Variants in DNAJC13 observed in about 807,000 individuals in gnomAD.
The protein encoded by DNAJC13 is dnaJ homolog subfamily C member 13.
A neutral mutation model predicts 290.5 loss-of-function variants in DNAJC13; 75 were observed. The observed-to-expected ratio is 0.26, with a 90% confidence interval of 0.21 to 0.31. The LOEUF is 0.31. Among genes scored for constraint, DNAJC13 ranks in the 10% least tolerant of loss-of-function variants. The pLI, the probability that DNAJC13 is intolerant of heterozygous loss-of-function variation, is 1.00. For synonymous variants in DNAJC13, 862 were observed against 892.0 expected (o/e 0.97, Z 0.60); for missense variants, 2,260 against 2,674.5 (o/e 0.85, Z 3.42).
At chr3:132,475,926 T>G (rs1167205696) in intron 22 of DNAJC13, among the ~76,000 whole-genome samples, 2 of 151,944 alleles carry the variant, frequency 1.3e-5, no homozygotes, top group African/African-American at 4.8e-5. Context: ...TAAATATTTT[T>G]ATTTTATTTT....
intron 12 of DNAJC13, 69 bp downstream of exon 12, chr3:132,456,901 G>A (rs1038704139): frequency 2.7e-6 from 4 of 1,508,612 alleles, no homozygotes; most frequent in Admixed American, 1.9e-5. Context: ...AATAATGAAC[G>A]ATTCACCTCC....
In DNAJC13 at chr3:132,483,240, A is replaced by T. The variant is rs1323615582; in HGVS notation, c.2980-135A>T. On this transcript the variant is annotated intron_variant, in intron 27 of 55. Transcript: ENST00000260818. ...TTGGGTTCCTAAAGGCCTGTCAACA[A>T]AACTTATTTTTTCTGAAATAGTGTA... is the stretch of plus-strand genomic sequence containing the variant. 4.2e-6 allele frequency: 4 copies of T among 954,496 alleles called. No homozygotes were observed. The African/African-American group carries it at 6.7e-5, about 16-fold the overall frequency. 59.1% of individuals were successfully genotyped at this position (954,496 alleles called of 1,614,324 possible).
rs1179150123 is a variant in DNAJC13, at chr3:132,434,545, C to A, written c.-6C>A. 6.2e-7 allele frequency: 1 copy of A among 1,609,316 alleles called. No individual in the cohort carries two copies. The highest frequency in any genetic ancestry group is 8.5e-7 in the Non-Finnish European group (1 of 1,177,426). On this transcript the variant is annotated 5_prime_UTR_variant, in exon 2 of 56. Coordinates refer to ENST00000260818, the MANE Select transcript of DNAJC13 (RefSeq NM_015268.4). ...CATATTTTTATCTTCCAGGTTTGAG[C>A]ACAAAATGAACATAATTAGGGAAAA...
intron 34 of DNAJC13, among the ~76,000 whole-genome samples, chr3:132,494,742 C>A (rs1935177744): frequency 6.6e-6 from 1 of 152,010 alleles, no homozygotes; most frequent in East Asian, 1.9e-4. Context: ...TATATTTTGG[C>A]AAGACTGATA....
intron 36 of DNAJC13, among the ~76,000 whole-genome samples, chr3:132,498,384 T>C (rs541044633): frequency 5.9e-5 from 9 of 152,286 alleles, no homozygotes; most frequent in African/African-American, 2.2e-4. Flanking sequence ...GTCTTTTTTC[T>C]TTATAAAGAT....
At chr3:132,471,135 T>C (rs1223954974) in intron 20 of DNAJC13, among the ~76,000 whole-genome samples, 1 of 112,168 alleles carries the variant, frequency 8.9e-6, no homozygotes, top group Non-Finnish European at 1.9e-5. Context: ...CCCATCTCCC[T>C]CCTGGACGGG....
At chr3:132,463,663 C>A in intron 16 of DNAJC13, 33 bp from the exon 17 acceptor site, 1 of 1,581,476 alleles carries the variant, frequency 6.3e-7, no homozygotes. Flanking sequence ...CCTGGATTGC[C>A]ACCTTAGGGA....
At position 132,490,963 on chromosome 3, in the gene DNAJC13, T is replaced by A. The variant is rs1387947275; in HGVS notation, c.3535T>A (p.Tyr1179Asn). ...GHILPEAMVCYLENYEPEKFS... is the reference protein window; with the variant it reads ...GHILPEAMVCNLENYEPEKFS... Reference sequence around the variant, plus strand: ...CATTCTACCTGAAGCAATGGTTTGTTACTTAGAAAATTATGAACCTGAAAA... The same window carrying A: ...CATTCTACCTGAAGCAATGGTTTGTAACTTAGAAAATTATGAACCTGAAAA... Residue 1179 changes from tyrosine to asparagine, a missense_variant, in exon 32 of 56, where the codon TAC becomes AAC. Physicochemically the swap from Tyr to Asn is moderately radical, Grantham distance 143. Coordinates refer to ENST00000260818, the MANE Select transcript of DNAJC13 (RefSeq NM_015268.4). 3 of 1,612,962 alleles carry A rather than the reference T, an allele frequency of 1.9e-6. No individual in the cohort carries two copies. The highest frequency in any genetic ancestry group is 2.5e-6 in the Non-Finnish European group (3 of 1,179,466).
At chr3:132,538,024 G>C in intron 55 of DNAJC13, 152 bp from the exon 56 acceptor site, 1 of 590,264 alleles carries the variant, frequency 1.7e-6, no homozygotes, top group South Asian at 2.2e-5. Flanking sequence ...CTATGTAGCT[G>C]TTTATTAAGG....
intron 1 of DNAJC13, 39 bp from the exon 2 acceptor site, chr3:132,434,499 A>G (rs971604037): frequency 1.4e-5 from 20 of 1,437,776 alleles, no homozygotes; most frequent in Non-Finnish European, 1.9e-5. Flanking sequence ...TTAAAGATAT[A>G]TAACATGTAC....
chr3:132,436,429 C>T (rs576676248), intron 2 of DNAJC13, among the ~76,000 whole-genome samples: 1 of 152,312 alleles, frequency 6.6e-6, no homozygotes, highest in East Asian at 1.9e-4. Context: ...GGATATACTA[C>T]ATTTTGTTTA....
chr3:132,522,772 A>G, intron 48 of DNAJC13, 56 bp from the exon 49 acceptor site: 1 of 1,410,854 alleles, frequency 7.1e-7, no homozygotes, highest in Non-Finnish European at 9.7e-7. Flanking sequence ...AATACAAACA[A>G]AATATTGAGG....
Position 132,513,075 on chromosome 3 carries a change from T to C in DNAJC13, c.5361T>C (p.Gly1787=). The change falls in exon 45 of 56, where the codon GGT becomes GGC. Residue 1787 remains glycine (G), a synonymous_variant. Coordinates refer to ENST00000260818, the MANE Select transcript of DNAJC13 (RefSeq NM_015268.4). ...IFSLLRVHGA[G]QVQQLALEVV... ...CTCTTCTCCGAGTTCATGGAGCTGG[T>C]CAAGTGCAGCAGTTGGCTTTAGAGG... 6.2e-7 allele frequency: 1 copy of C among 1,613,400 alleles called. No individual in the cohort carries two copies. Among genetic ancestry groups the C allele is most frequent in the Non-Finnish European group, 8.5e-7 (1 of 1,179,460 alleles).
intron 44 of DNAJC13, among the ~76,000 whole-genome samples, chr3:132,512,051 G>A (rs1047494833): frequency 1.3e-5 from 2 of 152,094 alleles, no homozygotes; most frequent in African/African-American, 4.8e-5. Flanking sequence ...TGTTATTAAA[G>A]ACAGTGTTAT....
rs188642372 is a variant in DNAJC13, at chr3:132,501,711, G to A, written c.4537-578G>A. ...GACCTGCTGAGGAAGGTTGACTGTG[G>A]GTAGATGAGATAGATGACTGGGAGG... On this transcript the variant is annotated intron_variant, in intron 39 of 55. Coordinates refer to ENST00000260818, the MANE Select transcript of DNAJC13 (RefSeq NM_015268.4). Among the ~76,000 whole-genome samples, 67 of 152,226 alleles carry A rather than the reference G, an allele frequency of 4.4e-4. No homozygotes were observed. In the South Asian group the frequency reaches 0.014, roughly 32 times the overall value.
intron 22 of DNAJC13, among the ~76,000 whole-genome samples, chr3:132,475,666 A>G (rs142230005): frequency 6.6e-6 from 1 of 152,278 alleles, no homozygotes; most frequent in Non-Finnish European, 1.5e-5. Flanking sequence ...ACCCAGTTGC[A>G]TTTCCATATT....
intron 33 of DNAJC13, 70 bp downstream of exon 33, chr3:132,492,685 G>A: frequency 7.3e-7 from 1 of 1,374,206 alleles, no homozygotes; most frequent in Non-Finnish European, 1.0e-6. Context: ...TGGGTATTTT[G>A]TCCTCCTGCA....
Position 132,507,252 on chromosome 3 carries a change from A to G in DNAJC13, c.5014A>G (p.Thr1672Ala). The change falls in exon 43 of 56, where the codon ACT becomes GCT. Residue 1672 changes from threonine to alanine, a missense_variant. By Grantham distance (58) the Thr-to-Ala change is moderately conservative. Transcript: ENST00000260818. Reference sequence around the variant, plus strand: ...TTTTAAAAAGGGTGATTGTGACAAAACTTATGGATCAGAATTTGTCTACAG... The same window carrying G: ...TTTTAAAAAGGGTGATTGTGACAAAGCTTATGGATCAGAATTTGTCTACAG... ...NMIKKGDCDKTYGSEFVYSDH... is the reference protein window; with the variant it reads ...NMIKKGDCDKAYGSEFVYSDH... The G allele has an allele frequency of 6.2e-7, 1 of 1,609,426 alleles. No individual in the cohort carries two copies. The highest frequency in any genetic ancestry group is 8.5e-7 in the Non-Finnish European group (1 of 1,176,794).
Position 132,456,245 on chromosome 3 carries a change from T to G in DNAJC13, c.943T>G (p.Leu315Val). 5.0e-6 allele frequency: 8 copies of G among 1,610,830 alleles called. No homozygotes were observed. Among genetic ancestry groups the G allele is most frequent in the Non-Finnish European group, 6.8e-6 (8 of 1,179,038 alleles). Residue 315 changes from leucine to valine, a missense_variant, in exon 10 of 56, where the codon TTA (leucine) becomes GTA (valine). Coordinates refer to ENST00000260818, the MANE Select transcript of DNAJC13 (RefSeq NM_015268.4). ...KYSSTERDSL[L>V]ASLLDGVRAS... Reference sequence around the variant, plus strand: ...TTTAATCTTACTTAGAGATTCCTTATTAGCAAGTTTGCTGGATGGAGTAAG... The same window carrying G: ...TTTAATCTTACTTAGAGATTCCTTAGTAGCAAGTTTGCTGGATGGAGTAAG...
Sources: allele counts gnomAD v4.1 joint callset (sites outside exome capture counted in the v4.1 genomes callset), GRCh38; gene constraint gnomAD v4.1.1; transcripts MANE v1.5; gene names NCBI Gene and HGNC (gene_info 2026-07-23, HGNC 2026-07-21).